The following SLTM variants were observed in gnomAD, a reference collection of about 807,000 sequenced individuals.
SLTM encodes SAFB-like transcription modulator.
Under a neutral mutation model 134.6 loss-of-function variants are expected in SLTM, and 43 were observed. The ratio of observed to expected loss-of-function variants is 0.32; its 90% confidence interval spans 0.25 to 0.41. SLTM has a LOEUF of 0.41. Among genes scored for constraint, SLTM ranks in the 10% least tolerant of loss-of-function variants. The pLI, the probability that SLTM is intolerant of heterozygous loss-of-function variation, is 1.00. For missense variants in SLTM, 1,055 were observed against 1,288.8 expected (o/e 0.82, Z 2.78); for synonymous variants, 424 against 432.3 (o/e 0.98, Z 0.24).
chr15:58,891,098 G>A (rs745941196), intron 14 of SLTM, among the ~76,000 whole-genome samples: 1 of 152,168 alleles, frequency 6.6e-6, no homozygotes, highest in Non-Finnish European at 1.5e-5. Flanking sequence ...CTGTAAGGTA[G>A]TCAGCATCCT....
intron 2 of SLTM, among the ~76,000 whole-genome samples, chr15:58,917,836 C>G (rs1567150671): frequency 6.6e-6 from 1 of 151,982 alleles, no homozygotes; most frequent in Non-Finnish European, 1.5e-5. Flanking sequence ...TGTAACTTCC[C>G]CCTCCTGGGT....
intron 20 of SLTM, among the ~76,000 whole-genome samples, chr15:58,882,705 A>G (rs2033840623): frequency 6.6e-6 from 1 of 152,214 alleles, no homozygotes; most frequent in Non-Finnish European, 1.5e-5. Context: ...AGAAGTGACC[A>G]TGGAATAGTA....
chr15:58,925,018 T>TTTA (rs1273123103), intron 2 of SLTM, among the ~76,000 whole-genome samples: 7 of 151,584 alleles, frequency 4.6e-5, no homozygotes, highest in Non-Finnish European at 7.4e-5. Context: ...GCCAAAATAC[T>TTTA]TTATGGCTGA....
chr15:58,886,765 T>C (rs867158685), intron 19 of SLTM, among the ~76,000 whole-genome samples: 2 of 152,200 alleles, frequency 1.3e-5, no homozygotes, highest in South Asian at 2.1e-4. Context: ...GCTAGTACCT[T>C]AACTCTTTGG....
chr15:58,920,048 C>T, intron 2 of SLTM, among the ~76,000 whole-genome samples: 1 of 152,222 alleles, frequency 6.6e-6, no homozygotes, highest in African/African-American at 2.4e-5. Flanking sequence ...GGGCGCAGTG[C>T]CTCATGCCTG....
At chr15:58,915,216 AAAAACAAAAAC>A (rs869223991) in intron 3 of SLTM, among the ~76,000 whole-genome samples, 1 of 151,394 alleles carries the variant, frequency 6.6e-6, no homozygotes, top group Non-Finnish European at 1.5e-5. Flanking sequence ...AAACAAAAAC[AAAAACAAAAAC>A]AAAAAAAAAG....
At chr15:58,901,466 T>C (rs1289306273) in intron 5 of SLTM, among the ~76,000 whole-genome samples, 179 bp from the exon 6 acceptor site, 2 of 152,202 alleles carry the variant, frequency 1.3e-5, no homozygotes, top group African/African-American at 2.4e-5. Context: ...TAGAGAGATA[T>C]GTGGCACAAG....
Position 58,913,491 on chromosome 15 carries a change from C to T in SLTM, c.513+8G>A. ...TGTGTCATGTTTTAAAAAAAACTGG[C>T]TAAAGACCTGACTTTCGATGTCCTC... On this transcript the variant is annotated splice_region_variant and intron_variant, in intron 4 of 20. Coordinates refer to ENST00000380516, the MANE Select transcript of SLTM (RefSeq NM_024755.4). 1 of 1,597,284 alleles carries T rather than the reference C, an allele frequency of 6.3e-7. No individual in the cohort carries two copies. Among genetic ancestry groups the T allele is most frequent in the Non-Finnish European group, 8.5e-7 (1 of 1,174,212 alleles).
chr15:58,914,716 A>G (rs1259825171), intron 3 of SLTM, among the ~76,000 whole-genome samples: 1 of 152,258 alleles, frequency 6.6e-6, no homozygotes, highest in Non-Finnish European at 1.5e-5. Flanking sequence ...ACTTATTTAC[A>G]GAAGCAATTT....
intron 7 of SLTM, 129 bp from the exon 8 acceptor site, chr15:58,898,981 A>G (rs544905328): frequency 2.1e-4 from 131 of 631,400 alleles, no homozygotes; most frequent in South Asian, 1.8e-3. Flanking sequence ...AAAGGCCTAG[A>G]TTAGGTTATT....
intron 5 of SLTM, among the ~76,000 whole-genome samples, chr15:58,911,701 G>C (rs1254420508): frequency 2.0e-5 from 3 of 152,160 alleles, no homozygotes; most frequent in Admixed American, 2.0e-4. Flanking sequence ...ATAGATGTCT[G>C]CTTACAGCAT....
At chr15:58,923,955 T>C (rs1165633324) in intron 2 of SLTM, among the ~76,000 whole-genome samples, 2 of 151,850 alleles carry the variant, frequency 1.3e-5, no homozygotes, top group Non-Finnish European at 2.9e-5. Flanking sequence ...GCTGGGATTA[T>C]AGCCTCATGC....
chr15:58,889,329 T>G (rs1352593414), intron 16 of SLTM, 101 bp downstream of exon 16: 1 of 1,461,292 alleles, frequency 6.8e-7, no homozygotes, highest in Non-Finnish European at 9.4e-7. Flanking sequence ...ATCATGACTT[T>G]TATTCCAGTG....
chr15:58,880,049 T>G lies in SLTM; in HGVS notation c.3055A>C (p.Ser1019Arg). ...TTAAATGGCTTAAATCCGGAGCCAC[T>G]TCCTCTTGGCATGGAATTGCCACTG... ...QISGNSMPRG[S>R]GSGFKPFKGG... The change falls in exon 21 of 21, where the codon AGT (serine) becomes CGT (arginine). Residue 1019 changes from serine to arginine, a missense_variant. By Grantham distance (110) the Ser-to-Arg change is moderately radical (BLOSUM62 -1). Transcript: ENST00000380516. 2 of 1,614,126 alleles carry G rather than the reference T, an allele frequency of 1.2e-6. No individual in the cohort carries two copies. The highest frequency in any genetic ancestry group is 1.7e-6 in the Non-Finnish European group (2 of 1,180,006).
At chr15:58,885,260 G>A (rs1342773415) in intron 19 of SLTM, among the ~76,000 whole-genome samples, 1 of 152,178 alleles carries the variant, frequency 6.6e-6, no homozygotes, top group Non-Finnish European at 1.5e-5. Flanking sequence ...AGCAAGCATT[G>A]TGATACTTAG....
In SLTM at chr15:58,920,547, C is replaced by T. The variant is rs543516947; in HGVS notation, c.251-3548G>A. Among the ~76,000 whole-genome samples, 140 of 151,654 alleles carry T rather than the reference C, an allele frequency of 9.2e-4. 1 individual carries two copies. Among genetic ancestry groups the T allele is most frequent in the African/African-American group, 3.3e-3 (137 of 41,288 alleles). On this transcript the variant is annotated intron_variant, in intron 2 of 20. Transcript: ENST00000380516. ...CTGAGACAGGAGAATCACCTGAACC[C>T]GGGAGGTGGAGGCTGCAGTGAGCCA...
At position 58,883,823 on chromosome 15, in the gene SLTM, C is replaced by T. The variant is rs201456231; in HGVS notation, c.2836-37G>A. 481 of 1,607,794 alleles carry T rather than the reference C, an allele frequency of 3.0e-4. 4 individuals carry two copies. In the East Asian group the frequency reaches 7.2e-3, roughly 24 times the overall value. ...GCATATGAAAAGTCACTTGGCCGGG[C>T]GCAGTGGCTCATACCTATAATCTCA... On this transcript the variant is annotated intron_variant, in intron 19 of 20. Coordinates refer to ENST00000380516, the MANE Select transcript of SLTM (RefSeq NM_024755.4).
chr15:58,921,161 A>G (rs1480730284), intron 2 of SLTM, among the ~76,000 whole-genome samples: 3 of 152,216 alleles, frequency 2.0e-5, no homozygotes, highest in Non-Finnish European at 4.4e-5. Context: ...GTGCTAGGAT[A>G]AATTCTTCAT....
chr15:58,888,058 G>A (rs1322087711), intron 17 of SLTM, among the ~76,000 whole-genome samples: 1 of 152,150 alleles, frequency 6.6e-6, no homozygotes, highest in African/African-American at 2.4e-5. Flanking sequence ...GGTGGCTGAG[G>A]CACAAGAATC....
Sources: allele counts gnomAD v4.1 joint callset (sites outside exome capture counted in the v4.1 genomes callset), GRCh38; gene constraint gnomAD v4.1.1; transcripts MANE v1.5; gene names NCBI Gene and HGNC (gene_info 2026-07-23, HGNC 2026-07-21).